Variants in BCCIP observed in about 807,000 individuals in gnomAD.
The protein encoded by BCCIP is BRCA2 and CDKN1A-interacting protein.
BCCIP carries 23 observed loss-of-function variants against 32.8 expected under a neutral mutation model. The ratio of observed to expected loss-of-function variants is 0.70; its 90% CI spans 0.51 to 0.99. The LOEUF (loss-of-function observed/expected upper bound fraction) is 0.99, where lower values mean the gene tolerates loss of function less well. Among genes scored for constraint, BCCIP ranks in the 50% least tolerant of loss-of-function variants. The pLI is 0.00. For missense variants in BCCIP, 378 were observed against 379.8 expected (o/e 1.00, Z 0.04); for synonymous variants, 144 against 137.6 (o/e 1.05, Z -0.33).
At chr10:125,848,289 C>G (rs1944049542) in intron 7 of BCCIP, among the ~76,000 whole-genome samples, 1 of 152,176 alleles carries the variant, frequency 6.6e-6, no homozygotes, top group Non-Finnish European at 1.5e-5. Context: ...CACTTAATTT[C>G]ACAGGGACAT....
intron 7 of BCCIP, chr10:125,852,675 G>T (rs1316665617): frequency 6.4e-7 from 1 of 1,563,240 alleles, no homozygotes; most frequent in African/African-American, 1.4e-5. Context: ...ATTAGCGTCA[G>T]ATAAGTCATG....
At chr10:125,827,448 T>A in intron 2 of BCCIP, 110 bp from the exon 3 acceptor site, 1 of 709,250 alleles carries the variant, frequency 1.4e-6, no homozygotes, top group Non-Finnish European at 2.2e-6. Flanking sequence ...CTTTTCTAGA[T>A]CATCATCTTA....
At chr10:125,850,156 T>C (rs1238889372) in intron 7 of BCCIP, among the ~76,000 whole-genome samples, 2 of 149,462 alleles carry the variant, frequency 1.3e-5, no homozygotes, top group African/African-American at 2.5e-5. Context: ...AAAAAAAAAT[T>C]TGTAGAGATG....
chr10:125,837,904 G>A (rs895955245), downstream of BCCIP, among the ~76,000 whole-genome samples: 3 of 152,076 alleles, frequency 2.0e-5, no homozygotes, highest in African/African-American at 7.2e-5. Flanking sequence ...AGATGGCTAA[G>A]CTCATTCCTC....
chr10:125,846,090 C>G (rs1240605002), downstream of BCCIP, among the ~76,000 whole-genome samples: 1 of 152,208 alleles, frequency 6.6e-6, no homozygotes, highest in Non-Finnish European at 1.5e-5. Context: ...TATCGGCCTT[C>G]TAGAGGGCAC....
chr10:125,839,077 T>A, downstream of BCCIP: 1 of 1,614,194 alleles, frequency 6.2e-7, no homozygotes, highest in South Asian at 1.1e-5. Flanking sequence ...AGGTTCTGCA[T>A]AGGGAAGCTC....
rs1245098062 is a variant in BCCIP, at chr10:125,827,992, AGT to A, written c.321+355_321+356del. Among the ~76,000 whole-genome samples, 16 of 136,848 alleles carry A rather than the reference AGT, an allele frequency of 1.2e-4. 1 individual carries two copies. The highest frequency in any genetic ancestry group is 4.0e-4 in the African/African-American group (15 of 37,398). 89.8% of individuals were successfully genotyped at this position (136,848 alleles called of 152,430 possible). A position where few individuals can be genotyped will look rare whatever the true frequency, so the allele number is the denominator to read the frequency against. On this transcript the variant is annotated intron_variant, in intron 3 of 6. Coordinates refer to ENST00000278100, the MANE Select transcript of BCCIP (RefSeq NM_078468.3). ...GAAAAAAAAAAAAAAAAAAAAAAAA[AGT>A]TCTTTATTCTGTTTAGCTCAAATTG... is the stretch of plus-strand genomic sequence containing the variant.
intron 7 of BCCIP, chr10:125,853,060 A>G (rs1589709918): frequency 2.5e-6 from 3 of 1,181,418 alleles, no homozygotes; most frequent in East Asian, 2.4e-5. Flanking sequence ...ACACATACTG[A>G]GAGTTCCAAT....
rs527964424 is a variant in BCCIP at position 125,831,500 on chromosome 10, G to C, written c.492G>C (p.Gln164His). 2.5e-6 allele frequency: 4 copies of C among 1,614,190 alleles called. No individual in the cohort carries two copies. The African/African-American group carries it at 5.3e-5, about 22-fold the overall frequency. The change falls in exon 5 of 7, where the codon CAG becomes CAC. Residue 164 changes from glutamine to histidine, a missense_variant. Physicochemically the swap from Gln to His is conservative, Grantham distance 24 (BLOSUM62 0). Transcript: ENST00000278100. ...ACTGTGAAAAGAGCATGGTTGAACA[G>C]CTGGACAAGTTTTTAAATGACACCA... Reference protein sequence around the residue: ...EKNCEKSMVEQLDKFLNDTTK... With the variant: ...EKNCEKSMVEHLDKFLNDTTK...
chr10:125,847,936 C>T (rs1239726822), intron 7 of BCCIP, among the ~76,000 whole-genome samples: 8 of 152,172 alleles, frequency 5.3e-5, no homozygotes, highest in African/African-American at 1.9e-4. Flanking sequence ...TCGCTTGCCC[C>T]CCACTCACCT....
chr10:125,840,316 G>A (rs755091136), downstream of BCCIP, among the ~76,000 whole-genome samples: 37 of 152,266 alleles, frequency 2.4e-4, no homozygotes, highest in Non-Finnish European at 2.9e-4. Context: ...TTTGACATGC[G>A]CCATTCTCTT....
exon 7 of BCCIP, chr10:125,841,562 T>C: frequency 7.0e-7 from 1 of 1,430,448 alleles, no homozygotes. Context: ...TAATTTTTCA[T>C]ATTAAGAAAA....
At chr10:125,831,311 C>T in intron 4 of BCCIP, 109 bp from the exon 5 acceptor site, 5 of 1,060,958 alleles carry the variant, frequency 4.7e-6, no homozygotes, top group Non-Finnish European at 6.9e-6. Context: ...AAGGCTATGG[C>T]AGGAAACTGC....
downstream of BCCIP, among the ~76,000 whole-genome samples, chr10:125,839,371 G>A (rs1854804411): frequency 6.6e-6 from 1 of 152,254 alleles, no homozygotes; most frequent in South Asian, 2.1e-4. Context: ...CAGCTGTCAG[G>A]GCACTACCAG....
chr10:125,852,354 C>G lies in BCCIP; in HGVS notation c.851-771C>G, dbSNP rs199580606. 7.4e-6 allele frequency: 12 copies of G among 1,614,196 alleles called. No homozygotes were observed. In the African/African-American group the frequency reaches 1.5e-4, roughly 20 times the overall value. ...CAATGTCTATCCTCTTCATAAAAAG[C>G]ACCATGCTTGTTAGGTTGGCTTCCT... On this transcript the variant is annotated intron_variant, in intron 7 of 7. Coordinates refer to the BCCIP transcript ENST00000368759.
chr10:125,849,790 C>G (rs538865932), intron 7 of BCCIP, among the ~76,000 whole-genome samples: 8 of 152,254 alleles, frequency 5.3e-5, no homozygotes, highest in African/African-American at 1.9e-4. Context: ...TTTGTAAATT[C>G]CAAAGCCAAA....
At chr10:125,825,181 G>C (rs1383570505) in intron 1 of BCCIP, among the ~76,000 whole-genome samples, 1 of 152,238 alleles carries the variant, frequency 6.6e-6, no homozygotes. Context: ...CTGGGAATGA[G>C]GGACAGGGCT....
downstream of BCCIP, chr10:125,838,869 A>G: frequency 9.1e-7 from 1 of 1,101,038 alleles, no homozygotes; most frequent in Non-Finnish European, 1.3e-6. Flanking sequence ...TAAGTACCAA[A>G]TCTTTAATAA....
downstream of BCCIP, chr10:125,841,469 G>T: frequency 6.8e-7 from 1 of 1,475,940 alleles, no homozygotes; most frequent in Non-Finnish European, 9.0e-7. Flanking sequence ...CATCTGCACT[G>T]ATTATTTCAG....
Sources: gnomAD v4.1 joint callset for allele counts (sites outside exome capture counted in the v4.1 genomes callset) on GRCh38, gnomAD v4.1.1 for gene constraint, MANE v1.5 for transcripts, NCBI Gene and HGNC (gene_info 2026-07-23, HGNC 2026-07-21) for gene names.